MED13L: variants seen among roughly 807,000 people sequenced by gnomAD.
MED13L encodes the protein mediator complex subunit 13L.
A neutral mutation model predicts 220.9 loss-of-function variants in MED13L; 7 were observed. The observed-to-expected ratio is 0.03, with a 90% CI of 0.02 to 0.06. The LOEUF is 0.06. MED13L is among the 10% of genes least tolerant of loss of function. MED13L has a pLI of 1.00. For synonymous variants in MED13L, 1,011 were observed against 1,015.2 expected (o/e 1.00, Z 0.08); for missense variants, 1,965 against 2,760.5 (o/e 0.71, Z 6.46).
In MED13L at chr12:116,050,953, A is replaced by C. The variant is rs182178135; in HGVS notation, c.480-28352T>G. Among the ~76,000 whole-genome samples the C allele has an allele frequency of 1.3e-3, 194 of 152,252 alleles. 2 individuals carry two copies. Among genetic ancestry groups the C allele is most frequent in the Non-Finnish European group, 2.6e-4 (18 of 67,998 alleles). ...ATCTCAAGAAAAACAACAACAAAAA[A>C]AAAAACCCAGAAATTTACATTCTTC... is the stretch of plus-strand genomic sequence containing the variant. On this transcript the variant is annotated intron_variant, in intron 4 of 30. Coordinates refer to ENST00000281928, the MANE Select transcript of MED13L (RefSeq NM_015335.5).
intron 5 of MED13L, among the ~76,000 whole-genome samples, chr12:116,020,460 ACT>A (rs1879994620): frequency 6.6e-6 from 1 of 152,248 alleles, no homozygotes; most frequent in African/African-American, 2.4e-5. Context: ...AAACTTGAAC[ACT>A]CTTGTGGTTC....
intron 22 of MED13L, 66 bp downstream of exon 22, chr12:115,982,318 G>T: frequency 6.7e-7 from 1 of 1,484,514 alleles, no homozygotes; most frequent in African/African-American, 1.4e-5. Flanking sequence ...TCATAGGCCT[G>T]TATTTATTTT....
rs1034465899 is a variant in MED13L at position 116,221,844 on chromosome 12, A to C, written c.310+15624T>G. Among the ~76,000 whole-genome samples the C allele has an allele frequency of 3.3e-5, 5 of 152,208 alleles. No individual in the cohort carries two copies. In the East Asian group the frequency reaches 7.7e-4, roughly 23 times the overall value. ...TTTAAGGGATTAGATCACAATCCCT[A>C]TTTAAAATAATATGAAAAATTATTT... On this transcript the variant is annotated intron_variant, in intron 2 of 30. Coordinates refer to ENST00000281928, the MANE Select transcript of MED13L (RefSeq NM_015335.5).
chr12:116,054,213 A>AACACAC (rs58217261), intron 4 of MED13L, among the ~76,000 whole-genome samples: 1 of 131,034 alleles, frequency 7.6e-6, no homozygotes. Context: ...CACACACACA[A>AACACAC]ACACACACAC....
At chr12:115,975,110 A>C in intron 25 of MED13L, 61 bp downstream of exon 25, 1 of 1,513,120 alleles carries the variant, frequency 6.6e-7, no homozygotes, top group Admixed American at 1.7e-5. Flanking sequence ...AGCTCAGTTA[A>C]TGACAATAGC....
intron 2 of MED13L, among the ~76,000 whole-genome samples, chr12:116,209,308 T>C (rs1279671221): frequency 1.3e-5 from 2 of 152,124 alleles, no homozygotes; most frequent in African/African-American, 4.8e-5. Flanking sequence ...ACCAAGGAGG[T>C]GTACCTCAGT....
intron 2 of MED13L, among the ~76,000 whole-genome samples, chr12:116,176,706 G>C (rs1033835747): frequency 6.6e-6 from 1 of 151,864 alleles, no homozygotes; most frequent in African/African-American, 2.4e-5. Flanking sequence ...TTCAGCTGAA[G>C]GACCAAAATG....
chr12:116,068,946 A>G (rs551987693), intron 4 of MED13L, among the ~76,000 whole-genome samples: 24 of 152,270 alleles, frequency 1.6e-4, no homozygotes, highest in African/African-American at 5.5e-4. Flanking sequence ...TCCAAGAGTC[A>G]GCGTAGTCAA....
chr12:115,961,170 G>T lies in MED13L; in HGVS notation c.*96C>A. The T allele has an allele frequency of 5.3e-6, 8 of 1,509,740 alleles. No individual in the cohort carries two copies. In the South Asian group the frequency reaches 5.7e-5, roughly 11 times the overall value. The allele number at this position is 1,509,740 out of a possible 1,614,324, so 93.5% of individuals were successfully genotyped here. ...GCAGGACTGTGGAGAGTGGTCTGAA[G>T]AAAAGGATGTGGGTTATTTGCAGAG... is the stretch of plus-strand genomic sequence containing the variant. On this transcript the variant is annotated 3_prime_UTR_variant, in exon 31 of 31. Transcript: ENST00000281928.
intron 2 of MED13L, among the ~76,000 whole-genome samples, chr12:116,165,827 C>T (rs1049017137): frequency 1.3e-5 from 2 of 152,076 alleles, no homozygotes; most frequent in Non-Finnish European, 2.9e-5. Context: ...ACTGAAAGCC[C>T]TTTTGTGGCT....
chr12:116,078,086 G>A (rs1042947422), intron 4 of MED13L, among the ~76,000 whole-genome samples: 2 of 146,954 alleles, frequency 1.4e-5, no homozygotes, highest in Non-Finnish European at 3.0e-5. Flanking sequence ...AGAGGTTGCT[G>A]AGCTGAGATC....
In MED13L at chr12:116,008,561, A is replaced by G; in HGVS notation, c.1852T>C (p.Tyr618His). The change falls in exon 10 of 31, where the codon TAT becomes CAT. Residue 618 changes from tyrosine (Y) to histidine (H), a missense_variant. Around this residue, in one of 10 missense-constraint regions of MED13L, gnomAD observed 818 missense variants for 1,041.2 expected, o/e 0.79. Coordinates refer to ENST00000281928, the MANE Select transcript of MED13L (RefSeq NM_015335.5). ...LMAEVSETAL[Y>H]CGIRPSNPES... ...GGGTTCGAGGGCCTAATCCCACAAT[A>G]TAAGGCTGTCTCGCTGACCTCTGCC... 6.2e-7 allele frequency: 1 copy of G among 1,614,012 alleles called. No homozygotes were observed. The highest frequency in any genetic ancestry group is 8.5e-7 in the Non-Finnish European group (1 of 1,179,976).
chr12:116,276,873 A>C, intron 1 of MED13L, 187 bp downstream of exon 1: 1 of 960,708 alleles, frequency 1.0e-6, no homozygotes, highest in Non-Finnish European at 1.6e-6. Context: ...CCAAATAAAC[A>C]CTGGATGGGA....
intron 1 of MED13L, 139 bp from the exon 2 acceptor site, chr12:116,237,844 G>C: frequency 1.3e-6 from 1 of 789,102 alleles, no homozygotes; most frequent in Non-Finnish European, 2.2e-6. Flanking sequence ...TCCCAGTGAA[G>C]AATGTATGTC....
intron 9 of MED13L, among the ~76,000 whole-genome samples, chr12:116,009,743 T>C (rs961537799): frequency 4.7e-4 from 71 of 152,258 alleles, no homozygotes; most frequent in African/African-American, 1.6e-3. Context: ...CAGACACACG[T>C]TAAAATGACA....
intron 4 of MED13L, among the ~76,000 whole-genome samples, chr12:116,038,172 C>CT (rs397937912): frequency 0.086 from 12,055 of 140,724 alleles, 514 homozygotes; most frequent in Middle Eastern, 0.11. Context: ...GCTTGGAATT[C>CT]TTTTTTTTTT....
At chr12:116,110,531 G>C (rs558862432) in intron 3 of MED13L, among the ~76,000 whole-genome samples, 1 of 152,202 alleles carries the variant, frequency 6.6e-6, no homozygotes, top group South Asian at 2.1e-4. Flanking sequence ...TACCAATATA[G>C]TCTAAAACAA....
intron 2 of MED13L, among the ~76,000 whole-genome samples, chr12:116,223,680 G>A (rs1044598198): frequency 3.3e-5 from 5 of 151,848 alleles, no homozygotes; most frequent in African/African-American, 9.7e-5. Context: ...CTCCAGCCTG[G>A]GCGACAAAAG....
intron 4 of MED13L, among the ~76,000 whole-genome samples, chr12:116,042,419 T>C (rs1011313519): frequency 1.3e-5 from 2 of 152,202 alleles, no homozygotes; most frequent in Non-Finnish European, 2.9e-5. Flanking sequence ...GCTGTGCCTG[T>C]TTTAAAATAT....
Sources: gnomAD v4.1 joint callset for allele counts (sites outside exome capture counted in the v4.1 genomes callset) on GRCh38, gnomAD v4.1.1 for gene constraint, gnomAD v4.1.1 regional missense constraint, MANE v1.5 for transcripts, NCBI Gene and HGNC (gene_info 2026-07-23, HGNC 2026-07-21) for gene names.